STX12: variants seen among roughly 807,000 people sequenced by gnomAD.
STX12 encodes syntaxin 12.
Under a neutral mutation model 42.2 loss-of-function variants are expected in STX12, and 17 were observed. The observed-to-expected ratio is 0.40, with a 90% CI of 0.28 to 0.60. The LOEUF (loss-of-function observed/expected upper bound fraction) is 0.60. STX12 is among the 20% of genes least tolerant of loss of function. The pLI is 0.39. For synonymous variants in STX12, 108 were observed against 116.7 expected, an observed-to-expected ratio of 0.93 and a Z score of 0.48; for missense variants, 297 against 330.9, an observed-to-expected ratio of 0.90 and a Z score of 0.79.
intron 1 of STX12, among the ~76,000 whole-genome samples, chr1:27,785,987 G>T (rs940477361): frequency 2.0e-5 from 3 of 152,210 alleles, no homozygotes; most frequent in African/African-American, 7.2e-5. Context: ...ATCTAGGCCT[G>T]CCCTGTGTGA....
At chr1:27,822,079 T>G (rs908696888) in intron 8 of STX12, 152 bp from the exon 9 acceptor site, 10 of 598,120 alleles carry the variant, frequency 1.7e-5, no homozygotes, top group Non-Finnish European at 2.4e-5. Context: ...TGCTGCTGAC[T>G]TAAGATTTCT....
At chr1:27,780,850 G>A (rs6656152) in intron 1 of STX12, among the ~76,000 whole-genome samples, 25,724 of 151,484 alleles carry the variant, frequency 0.17, 5,858 homozygotes, top group African/African-American at 0.52. Flanking sequence ...TACTTGGGAG[G>A]CTGAGATGGG....
chr1:27,813,671 C>T (rs12563086), intron 6 of STX12, among the ~76,000 whole-genome samples: 7,784 of 152,180 alleles, frequency 0.051, 422 homozygotes, highest in East Asian at 0.25. Context: ...AATGCCCCAG[C>T]TCTCATCCAC....
intron 4 of STX12, among the ~76,000 whole-genome samples, chr1:27,803,999 TCAAAAAA>T (rs1404885986): frequency 1.3e-5 from 2 of 150,070 alleles, no homozygotes; most frequent in African/African-American, 4.9e-5. Context: ...AGATTGTATC[TCAAAAAA>T]CAAAAAACAA....
At chr1:27,807,026 G>C (rs970911619) in intron 4 of STX12, among the ~76,000 whole-genome samples, 3 of 152,120 alleles carry the variant, frequency 2.0e-5, no homozygotes, top group Admixed American at 2.0e-4. Context: ...TGGGGACATA[G>C]AGCCAAACCA....
chr1:27,810,621 G>T (rs1022662835), intron 5 of STX12, among the ~76,000 whole-genome samples: 11 of 152,246 alleles, frequency 7.2e-5, no homozygotes, highest in African/African-American at 2.6e-4. Flanking sequence ...CTCTAATGCA[G>T]ATTTAAACCC....
chr1:27,812,323 CTCCT>C, intron 6 of STX12, 55 bp downstream of exon 6: 1 of 1,267,394 alleles, frequency 7.9e-7, no homozygotes, highest in Non-Finnish European at 1.1e-6. Context: ...GGTATCTGAA[CTCCT>C]TAGTTCACTT....
intron 6 of STX12, 41 bp from the exon 7 acceptor site, chr1:27,817,810 A>G (rs554050149): frequency 1.3e-6 from 2 of 1,578,262 alleles, no homozygotes; most frequent in Non-Finnish European, 1.7e-6. Context: ...ATCTTCTAAC[A>G]TGTTGCTTAA....
chr1:27,789,259 C>T (rs2088721600), intron 1 of STX12, among the ~76,000 whole-genome samples: 1 of 151,974 alleles, frequency 6.6e-6, no homozygotes, highest in South Asian at 2.1e-4. Flanking sequence ...AGAGGCCCTT[C>T]TAAAGGTGTT....
chr1:27,790,279 C>CATT (rs1290260016), intron 2 of STX12, among the ~76,000 whole-genome samples: 1 of 152,114 alleles, frequency 6.6e-6, no homozygotes, highest in African/African-American at 2.4e-5. Flanking sequence ...GGTGCGGACC[C>CATT]AAAGAGTGAG....
At chr1:27,789,718 C>T in intron 2 of STX12, 87 bp downstream of exon 2, 3 of 1,024,644 alleles carry the variant, frequency 2.9e-6, no homozygotes, top group Non-Finnish European at 4.5e-6. Context: ...GGTTTCAGGT[C>T]TGGGAAGTCA....
chr1:27,814,651 C>G (rs2088928096), intron 6 of STX12, among the ~76,000 whole-genome samples: 3 of 151,994 alleles, frequency 2.0e-5, no homozygotes, highest in South Asian at 4.1e-4. Flanking sequence ...GAGTTCAAGA[C>G]CAGCCTGACC....
chr1:27,780,799 A>G (rs1014283957), intron 1 of STX12, among the ~76,000 whole-genome samples: 1 of 151,790 alleles, frequency 6.6e-6, no homozygotes, highest in Non-Finnish European at 1.5e-5. Context: ...CAAAAATACA[A>G]AAATTAGCTG....
chr1:27,792,050 A>C lies in STX12; in HGVS notation c.189-1483A>C, dbSNP rs1316280735. Among the ~76,000 whole-genome samples, 4 of 144,046 alleles carry C rather than the reference A, an allele frequency of 2.8e-5. No homozygotes were observed. In the South Asian group the frequency reaches 8.3e-4, roughly 30 times the overall value. 94.5% of individuals were successfully genotyped at this position (144,046 alleles called of 152,430 possible). A position where few individuals can be genotyped will look rare whatever the true frequency, so the allele number is the denominator to read the frequency against. Reference sequence around the variant, plus strand: ...TATAAAATATAAATATAGTATATAAATATATCTATAATATATATAAAATAT... The same window carrying C: ...TATAAAATATAAATATAGTATATAACTATATCTATAATATATATAAAATAT... On this transcript the variant is annotated intron_variant, in intron 2 of 8. Coordinates refer to ENST00000373943, the MANE Select transcript of STX12 (RefSeq NM_177424.3).
intron 4 of STX12, among the ~76,000 whole-genome samples, chr1:27,809,317 G>A (rs1312828165): frequency 7.6e-5 from 4 of 52,290 alleles, no homozygotes; most frequent in African/African-American, 2.9e-4. Context: ...CTCGGGACCA[G>A]AGTAAGATTC....
chr1:27,786,623 T>G (rs1308957699), intron 1 of STX12, among the ~76,000 whole-genome samples: 1 of 152,136 alleles, frequency 6.6e-6, no homozygotes, highest in Non-Finnish European at 1.5e-5. Context: ...TTCTAGGACA[T>G]GGAATAGTGT....
chr1:27,803,509 A>G (rs1373856719), intron 4 of STX12, among the ~76,000 whole-genome samples: 1 of 152,208 alleles, frequency 6.6e-6, no homozygotes, highest in Non-Finnish European at 1.5e-5. Flanking sequence ...TTCAATCAAA[A>G]GAGAGTTTTC....
chr1:27,813,310 A>G (rs2088917459), intron 6 of STX12, among the ~76,000 whole-genome samples: 2 of 151,834 alleles, frequency 1.3e-5, no homozygotes, highest in Non-Finnish European at 2.9e-5. Context: ...TGAATAGCCG[A>G]GACTACCAGT....
chr1:27,789,611 A>G lies in STX12; in HGVS notation c.168A>G (p.Ser56=). ...LMSQLGTKQD[S]SKLQENLQQL... is the part of the protein sequence containing the mutation. ...GCCAGCTAGGAACTAAGCAGGACTC[A>G]AGCAAGCTACAGGAAAATCTGTGAG... is the stretch of plus-strand genomic sequence containing the variant. The change falls in exon 2 of 9, where the codon TCA becomes TCG. Residue 56 remains serine (S), a synonymous_variant. Transcript: ENST00000373943. The G allele has an allele frequency of 6.2e-7, 1 of 1,613,626 alleles. No individual in the cohort carries two copies. Among genetic ancestry groups the G allele is most frequent in the Non-Finnish European group, 8.5e-7 (1 of 1,179,712 alleles).
Sources: allele counts gnomAD v4.1 joint callset (sites outside exome capture counted in the v4.1 genomes callset), GRCh38; gene constraint gnomAD v4.1.1; transcripts MANE v1.5; gene names NCBI Gene and HGNC (gene_info 2026-07-23, HGNC 2026-07-21).